Variants in SEMA6D observed in about 807,000 individuals in gnomAD.
SEMA6D encodes the protein semaphorin-6D.
In SEMA6D, 35 loss-of-function variants were observed where a neutral mutation model predicts 106.6. The observed-to-expected ratio is 0.33, with a 90% CI of 0.25 to 0.44. The LOEUF (loss-of-function observed/expected upper bound fraction) is 0.44, where lower values mean the gene tolerates loss of function less well. Among genes scored for constraint, SEMA6D ranks in the 20% least tolerant of loss-of-function variants. The pLI, the probability that SEMA6D is intolerant of heterozygous loss-of-function variation, is 1.00. For synonymous variants in SEMA6D, 499 were observed against 487.7 expected, an observed-to-expected ratio of 1.02 and a Z score of -0.31; for missense variants, 1,185 against 1,345.9, an observed-to-expected ratio of 0.88 and a Z score of 1.87.
intron 1 of SEMA6D, among the ~76,000 whole-genome samples, chr15:47,305,378 A>C (rs915800129): frequency 1.3e-5 from 2 of 152,182 alleles, no homozygotes; most frequent in Non-Finnish European, 2.9e-5. Context: ...GGCATTGACT[A>C]TTTAGCTCCA....
At chr15:47,363,770 A>G (rs1253243488) in intron 1 of SEMA6D, among the ~76,000 whole-genome samples, 1 of 152,212 alleles carries the variant, frequency 6.6e-6, no homozygotes, top group African/African-American at 2.4e-5. Flanking sequence ...GAAATACCCA[A>G]GACTGGGTAA....
intron 2 of SEMA6D, among the ~76,000 whole-genome samples, chr15:47,450,181 A>G (rs538490155): frequency 8.5e-5 from 13 of 152,254 alleles, no homozygotes; most frequent in Admixed American, 2.0e-4. Context: ...AGATAAGATA[A>G]TCTCTATTAA....
intron 3 of SEMA6D, among the ~76,000 whole-genome samples, chr15:47,495,374 A>G (rs934245749): frequency 1.3e-5 from 2 of 152,020 alleles, no homozygotes; most frequent in African/African-American, 4.8e-5. Flanking sequence ...AGCTGATTCA[A>G]CTTTGTACTG....
intron 4 of SEMA6D, among the ~76,000 whole-genome samples, chr15:47,690,127 T>C (rs1471393447): frequency 6.6e-6 from 1 of 152,192 alleles, no homozygotes; most frequent in Non-Finnish European, 1.5e-5. Flanking sequence ...TCTGCAGACA[T>C]GGTGTTTAGC....
intron 1 of SEMA6D, among the ~76,000 whole-genome samples, chr15:47,288,145 C>T (rs1251160733): frequency 6.6e-6 from 1 of 152,332 alleles, no homozygotes; most frequent in East Asian, 1.9e-4. Context: ...AACACTTTTA[C>T]ATTTCAACAG....
chr15:47,677,183 G>A (rs140440200), intron 4 of SEMA6D, among the ~76,000 whole-genome samples: 58 of 152,274 alleles, frequency 3.8e-4, no homozygotes, highest in African/African-American at 1.3e-3. Flanking sequence ...TCTGCGACCT[G>A]GAGGTTGGGG....
chr15:47,504,843 C>T (rs1364996528), intron 3 of SEMA6D, among the ~76,000 whole-genome samples: 3 of 152,082 alleles, frequency 2.0e-5, no homozygotes, highest in Non-Finnish European at 4.4e-5. Flanking sequence ...GTCACTTCCC[C>T]GGGGAGTGTC....
At chr15:47,731,825 C>A (rs1397027549) in intron 1 of SEMA6D, among the ~76,000 whole-genome samples, 1 of 152,138 alleles carries the variant, frequency 6.6e-6, no homozygotes, top group Admixed American at 6.5e-5. Flanking sequence ...TATGTATGTA[C>A]ATATGTCCAC....
intron 4 of SEMA6D, among the ~76,000 whole-genome samples, chr15:47,607,578 T>C (rs998214571): frequency 4.6e-5 from 7 of 152,222 alleles, no homozygotes; most frequent in African/African-American, 1.7e-4. Flanking sequence ...AGGAGAGCAT[T>C]ATTGGCTTGA....
At chr15:47,727,479 A>G (rs150254384) in intron 1 of SEMA6D, among the ~76,000 whole-genome samples, 19 of 152,348 alleles carry the variant, frequency 1.2e-4, no homozygotes, top group African/African-American at 4.3e-4. Context: ...GCTAAAATGC[A>G]GATTTCTATC....
At chr15:47,285,577 G>A (rs375917560) in intron 1 of SEMA6D, among the ~76,000 whole-genome samples, 1 of 152,110 alleles carries the variant, frequency 6.6e-6, no homozygotes, top group Non-Finnish European at 1.5e-5. Context: ...TTTATCATCT[G>A]CATCCAGTCT....
chr15:47,730,748 G>A (rs2080067641), intron 1 of SEMA6D: 2 of 1,600,888 alleles, frequency 1.2e-6, no homozygotes, highest in African/African-American at 2.7e-5. Flanking sequence ...CTCTGCCGCT[G>A]CAACCTGATA....
intron 4 of SEMA6D, among the ~76,000 whole-genome samples, chr15:47,707,833 C>T (rs2078942131): frequency 6.6e-6 from 1 of 152,148 alleles, no homozygotes; most frequent in African/African-American, 2.4e-5. Context: ...CTTTAAACTC[C>T]ATTTACCCAA....
At chr15:47,480,321 A>G (rs1022515693) in intron 3 of SEMA6D, among the ~76,000 whole-genome samples, 8 of 152,058 alleles carry the variant, frequency 5.3e-5, no homozygotes, top group South Asian at 4.2e-4. Flanking sequence ...GGTAACTCTA[A>G]TCATAATACT....
At chr15:47,429,193 G>A (rs1304388762) in intron 2 of SEMA6D, among the ~76,000 whole-genome samples, 1 of 152,082 alleles carries the variant, frequency 6.6e-6, no homozygotes, top group African/African-American at 2.4e-5. Context: ...CATGCAGAGA[G>A]CACCAGAGTT....
intron 3 of SEMA6D, among the ~76,000 whole-genome samples, chr15:47,573,886 G>A (rs1397469439): frequency 1.3e-5 from 2 of 152,136 alleles, no homozygotes; most frequent in South Asian, 2.1e-4. Context: ...CCATACATCT[G>A]ATTTCAACAT....
intron 4 of SEMA6D, among the ~76,000 whole-genome samples, chr15:47,630,424 T>G (rs1314070897): frequency 6.6e-6 from 1 of 151,952 alleles, no homozygotes. Context: ...TTCGTTGTTA[T>G]GTAGAAATGA....
At chr15:47,254,170 G>A (rs1021300584) in intron 1 of SEMA6D, among the ~76,000 whole-genome samples, 1 of 150,944 alleles carries the variant, frequency 6.6e-6, no homozygotes, top group African/African-American at 2.4e-5. Context: ...AAATGCTACT[G>A]ATTTGTGTGT....
chr15:47,769,157 A>C (rs1403770445), intron 18 of SEMA6D, among the ~76,000 whole-genome samples: 2 of 152,194 alleles, frequency 1.3e-5, no homozygotes, highest in Non-Finnish European at 2.9e-5. Context: ...TCAATTCAAA[A>C]TGCAATCTGA....
Sources: gnomAD v4.1 joint callset for allele counts (sites outside exome capture counted in the v4.1 genomes callset) on GRCh38, gnomAD v4.1.1 for gene constraint, MANE v1.5 for transcripts, NCBI Gene and HGNC (gene_info 2026-07-23, HGNC 2026-07-21) for gene names.